LEKR1: variants seen among roughly 807,000 people sequenced by gnomAD.
The protein encoded by LEKR1 is protein LEKR1.
A neutral mutation model predicts 72.4 loss-of-function variants in LEKR1; 59 were observed. The observed-to-expected ratio is 0.82, with a 90% CI of 0.66 to 1.01. The LOEUF (loss-of-function observed/expected upper bound fraction) is 1.01, where lower values mean the gene tolerates loss of function less well. Ranked by LOEUF, LEKR1 falls within the 50% of genes least tolerant of loss-of-function variation. The pLI, the probability that LEKR1 is intolerant of heterozygous loss-of-function variation, is 0.00. For synonymous variants in LEKR1, 257 were observed against 263.2 expected (o/e 0.98, Z 0.23); for missense variants, 728 against 759.2 (o/e 0.96, Z 0.48).
chr3:156,900,479 G>T (rs1207586987), intron 3 of LEKR1, among the ~76,000 whole-genome samples: 1 of 151,980 alleles, frequency 6.6e-6, no homozygotes, highest in Non-Finnish European at 1.5e-5. Context: ...TATAACTAAG[G>T]TGATTTTTGT....
chr3:157,015,152 G>A (rs561375895), intron 10 of LEKR1, among the ~76,000 whole-genome samples: 2 of 152,262 alleles, frequency 1.3e-5, no homozygotes, highest in African/African-American at 4.8e-5. Context: ...TTCAGGGAGT[G>A]GGAATCTAGT....
chr3:156,915,477 C>T (rs114415052), intron 3 of LEKR1, among the ~76,000 whole-genome samples: 4,821 of 150,986 alleles, frequency 0.032, 115 homozygotes, highest in Non-Finnish European at 0.047. Context: ...GATATCTCAT[C>T]GGTGTTTTGA....
chr3:156,888,350 A>G, intron 3 of LEKR1: 1 of 702,378 alleles, frequency 1.4e-6, no homozygotes, highest in Non-Finnish European at 2.6e-6. Context: ...TGCCAGCTGA[A>G]AGAACGAATG....
chr3:156,892,189 G>A (rs1720735763), intron 3 of LEKR1, among the ~76,000 whole-genome samples: 1 of 152,088 alleles, frequency 6.6e-6, no homozygotes, highest in Non-Finnish European at 1.5e-5. Context: ...TCTCTAAGCG[G>A]GGGAATCATA....
chr3:156,905,810 G>T (rs1722471222), intron 3 of LEKR1, among the ~76,000 whole-genome samples: 1 of 152,114 alleles, frequency 6.6e-6, no homozygotes, highest in African/African-American at 2.4e-5. Context: ...TCTCATAATT[G>T]GCAGTCGTAT....
intron 10 of LEKR1, among the ~76,000 whole-genome samples, chr3:157,021,281 T>C (rs1397781124): frequency 6.6e-6 from 1 of 151,984 alleles, no homozygotes; most frequent in Non-Finnish European, 1.5e-5. Flanking sequence ...CTCTTTAGTT[T>C]AATTAGATCC....
chr3:156,945,251 T>C (rs1300188700), intron 6 of LEKR1, among the ~76,000 whole-genome samples: 1 of 151,822 alleles, frequency 6.6e-6, no homozygotes, highest in African/African-American at 2.4e-5. Context: ...TTTTGCCCAT[T>C]TGTTTAAATC....
chr3:156,895,835 T>A (rs1442950819), intron 3 of LEKR1, among the ~76,000 whole-genome samples: 2 of 152,154 alleles, frequency 1.3e-5, no homozygotes. Context: ...GAAATACCAT[T>A]GACCCAGCAA....
intron 11 of LEKR1, among the ~76,000 whole-genome samples, chr3:157,026,928 T>C (rs753934955): frequency 1.3e-5 from 2 of 152,224 alleles, no homozygotes; most frequent in Non-Finnish European, 2.9e-5. Context: ...TATTCTCTCA[T>C]TCATTTATCT....
At chr3:157,003,617 C>A (rs1381906685) in intron 9 of LEKR1, among the ~76,000 whole-genome samples, 1 of 152,172 alleles carries the variant, frequency 6.6e-6, no homozygotes, top group Non-Finnish European at 1.5e-5. Flanking sequence ...CCTTCCCCCA[C>A]ACTAACCCTC....
intron 6 of LEKR1, among the ~76,000 whole-genome samples, chr3:156,957,723 C>T (rs962448760): frequency 1.6e-4 from 24 of 151,912 alleles, no homozygotes; most frequent in Non-Finnish European, 3.5e-4. Context: ...AGAATATAGC[C>T]TCTTCTAAAA....
At chr3:156,980,494 AC>A (rs1372008125) in intron 7 of LEKR1, among the ~76,000 whole-genome samples, 1 of 151,836 alleles carries the variant, frequency 6.6e-6, no homozygotes, top group African/African-American at 2.4e-5. Context: ...TCCTTAGAAG[AC>A]CCCCTAGGCC....
At chr3:157,039,660 G>T (rs1735213332) in intron 12 of LEKR1, among the ~76,000 whole-genome samples, 2 of 152,186 alleles carry the variant, frequency 1.3e-5, no homozygotes, top group African/African-American at 4.8e-5. Flanking sequence ...ATCTAGCAAA[G>T]ACGGATTCAT....
At chr3:156,870,313 T>A (rs1430934514) in intron 3 of LEKR1, among the ~76,000 whole-genome samples, 1 of 152,142 alleles carries the variant, frequency 6.6e-6, no homozygotes, top group Admixed American at 6.6e-5. Context: ...ATTTTAATGA[T>A]ACTAATTTTT....
chr3:156,930,677 AT>A lies in LEKR1; in HGVS notation c.559+3076del, dbSNP rs563604616. On this transcript the variant is annotated intron_variant, in intron 5 of 12. Transcript: ENST00000356539. Reference sequence around the variant, plus strand: ...AATGGCATTTTAAACATCATCTAAGATTTATACAGTAATCAAATCAGTATAG... The same window carrying A: ...AATGGCATTTTAAACATCATCTAAGATTATACAGTAATCAAATCAGTATAG... 4.4e-3 allele frequency among the ~76,000 whole-genome samples: 677 copies of A among 152,260 alleles called. 2 individuals carry two copies. Among genetic ancestry groups the A allele is most frequent in the African/African-American group, 0.016 (654 of 41,576 alleles).
chr3:156,830,145 A>C (rs931871902), intron 2 of LEKR1, among the ~76,000 whole-genome samples: 1 of 152,252 alleles, frequency 6.6e-6, no homozygotes, highest in Non-Finnish European at 1.5e-5. Flanking sequence ...AATATATACT[A>C]TACAAATGTA....
At chr3:156,974,432 C>T (rs565338528) in intron 6 of LEKR1, among the ~76,000 whole-genome samples, 1 of 152,210 alleles carries the variant, frequency 6.6e-6, no homozygotes, top group Non-Finnish European at 1.5e-5. Context: ...AAATGAACAT[C>T]TCAGTTTCAC....
At chr3:156,995,347 C>T (rs954204324) in intron 9 of LEKR1, among the ~76,000 whole-genome samples, 1 of 152,166 alleles carries the variant, frequency 6.6e-6, no homozygotes, top group African/African-American at 2.4e-5. Context: ...ATGAGAAGGA[C>T]AGTTTCTATC....
chr3:156,951,018 T>TTTTGAGGTC (rs1371632776), intron 6 of LEKR1, among the ~76,000 whole-genome samples: 1 of 151,662 alleles, frequency 6.6e-6, no homozygotes, highest in Admixed American at 6.6e-5. Context: ...TAGACAGCTC[T>TTTTGAGGTC]TATTTTGAGG....
Sources: gnomAD v4.1 joint callset for allele counts (sites outside exome capture counted in the v4.1 genomes callset) on GRCh38, gnomAD v4.1.1 for gene constraint, MANE v1.5 for transcripts, NCBI Gene and HGNC (gene_info 2026-07-23, HGNC 2026-07-21) for gene names.